CDC14A: variants seen among roughly 807,000 people sequenced by gnomAD.
CDC14A encodes cell division cycle 14A.
CDC14A carries 53 observed loss-of-function variants against 74.4 expected under a neutral mutation model. The ratio of observed to expected loss-of-function variants is 0.71; its 90% confidence interval spans 0.57 to 0.89. CDC14A has a LOEUF of 0.89. Among genes scored for constraint, CDC14A ranks in the 40% least tolerant of loss-of-function variants. The pLI is 0.00. For missense variants in CDC14A, 646 were observed against 713.7 expected (o/e 0.91, Z 1.08); for synonymous variants, 247 against 258.4 (o/e 0.96, Z 0.43).
chr1:100,396,055 T>G (rs1483958396), intron 4 of CDC14A, among the ~76,000 whole-genome samples: 1 of 152,272 alleles, frequency 6.6e-6, no homozygotes, highest in Admixed American at 6.5e-5. Context: ...TGTTTATGCA[T>G]TTACTTGCTT....
At chr1:100,448,744 T>G (rs1250071972) in intron 7 of CDC14A, among the ~76,000 whole-genome samples, 3 of 152,238 alleles carry the variant, frequency 2.0e-5, no homozygotes, top group Non-Finnish European at 4.4e-5. Context: ...TATGGCCTCA[T>G]TCTCATAGCT....
intron 2 of CDC14A, among the ~76,000 whole-genome samples, chr1:100,357,908 C>T (rs564576250): frequency 8.5e-5 from 13 of 152,260 alleles, no homozygotes; most frequent in African/African-American, 2.9e-4. Flanking sequence ...GAAAGGAGGA[C>T]AGCATTCCAT....
intron 3 of CDC14A, among the ~76,000 whole-genome samples, chr1:100,386,363 T>G (rs770542481): frequency 6.6e-6 from 1 of 152,220 alleles, no homozygotes; most frequent in Non-Finnish European, 1.5e-5. Context: ...TTTATTGGAA[T>G]TGACCAATTT....
At chr1:100,378,231 T>G (rs1020416821) in intron 3 of CDC14A, among the ~76,000 whole-genome samples, 1 of 152,192 alleles carries the variant, frequency 6.6e-6, no homozygotes, top group Non-Finnish European at 1.5e-5. Context: ...GATTTTGGCA[T>G]GTGGCTTTTT....
chr1:100,445,020 G>A (rs1313581058), intron 7 of CDC14A, among the ~76,000 whole-genome samples: 4 of 151,782 alleles, frequency 2.6e-5, no homozygotes, highest in Non-Finnish European at 5.9e-5. Flanking sequence ...AGAAACAAAG[G>A]GAATATGTAC....
intron 4 of CDC14A, among the ~76,000 whole-genome samples, chr1:100,408,384 G>A (rs984195717): frequency 2.0e-4 from 31 of 152,184 alleles, no homozygotes; most frequent in African/African-American, 7.0e-4. Context: ...ATGCACATGT[G>A]CATGTGTCTT....
At chr1:100,357,415 G>A (rs1022313513) in intron 2 of CDC14A, among the ~76,000 whole-genome samples, 1 of 152,164 alleles carries the variant, frequency 6.6e-6, no homozygotes, top group African/African-American at 2.4e-5. Context: ...CTTTGGGGAA[G>A]TATAGAATGA....
chr1:100,468,055 C>T lies in CDC14A; in HGVS notation c.938C>T (p.Pro313Leu), dbSNP rs534289736. ...ATTGCTTGGATTAGAATATGCCGGC[C>T]AGGCTCTATTATAGGACCCCAGCAG... ...EIIAWIRICR[P>L]GSIIGPQQHF... Residue 313 changes from proline (P) to leucine (L), a missense_variant, in exon 10 of 16, where the codon CCA (proline) becomes CTA (leucine). By Grantham distance (98) the Pro-to-Leu change is moderately conservative. Transcript: ENST00000336454. 2 of 1,613,380 alleles carry T rather than the reference C, an allele frequency of 1.2e-6. No homozygotes were observed. Among genetic ancestry groups the T allele is most frequent in the South Asian group, 2.2e-5 (2 of 90,936 alleles).
At chr1:100,479,342 G>A (rs1246314225) in intron 10 of CDC14A, among the ~76,000 whole-genome samples, 1 of 152,022 alleles carries the variant, frequency 6.6e-6, no homozygotes, top group African/African-American at 2.4e-5. Context: ...GAATTGTATA[G>A]CATGAACTCC....
intron 4 of CDC14A, among the ~76,000 whole-genome samples, chr1:100,420,367 A>G (rs549769418): frequency 7.2e-5 from 11 of 151,804 alleles, no homozygotes; most frequent in Non-Finnish European, 1.3e-4. Context: ...AGAAATTCAC[A>G]TATTATTTTG....
chr1:100,476,924 TCA>T (rs1485106414), intron 10 of CDC14A, among the ~76,000 whole-genome samples: 2 of 152,170 alleles, frequency 1.3e-5, no homozygotes, highest in African/African-American at 4.8e-5. Flanking sequence ...GCCCAATTAA[TCA>T]CAGTGTCCTT....
intron 3 of CDC14A, among the ~76,000 whole-genome samples, chr1:100,385,626 T>C (rs1338269066): frequency 6.6e-6 from 1 of 152,204 alleles, no homozygotes; most frequent in African/African-American, 2.4e-5. Flanking sequence ...TCCTGCTTAC[T>C]ACTCTTACTG....
chr1:100,391,272 T>C (rs1226277393), intron 4 of CDC14A, among the ~76,000 whole-genome samples: 1 of 152,182 alleles, frequency 6.6e-6, no homozygotes, highest in Admixed American at 6.5e-5. Context: ...ATCCATTCAT[T>C]AATTTATACA....
At position 100,439,114 on chromosome 1, in the gene CDC14A, C is replaced by G. The variant is rs574022133; in HGVS notation, c.390-818C>G. On this transcript the variant is annotated intron_variant, in intron 5 of 15. Transcript: ENST00000336454. ...TGCCTAAAGCAGGTCTGCTAAATTG[C>G]TCTAAAAACTTAAATAAAGTATGAA... Among the ~76,000 whole-genome samples the G allele has an allele frequency of 5.9e-5, 9 of 152,328 alleles. No individual in the cohort carries two copies. The South Asian group carries it at 8.3e-4, about 14-fold the overall frequency.
Position 100,455,406 on chromosome 1 carries a change from G to C in CDC14A, c.521G>C (p.Arg174Pro). The C allele has an allele frequency of 1.3e-6, 2 of 1,593,534 alleles. No homozygotes were observed. The highest frequency in any genetic ancestry group is 1.7e-6 in the Non-Finnish European group (2 of 1,169,350). The change falls in exon 8 of 16, where the codon CGA (arginine) becomes CCA (proline). Residue 174 changes from arginine to proline, a missense_variant and splice_region_variant. Physicochemically the swap from Arg to Pro is moderately radical, Grantham distance 103 (BLOSUM62 -2). Coordinates refer to ENST00000336454, the MANE Select transcript of CDC14A (RefSeq NM_003672.4). ...FDVDEYEHYERVENGDFNWIV... is the reference protein window; with the variant it reads ...FDVDEYEHYEPVENGDFNWIV... Reference sequence around the variant, plus strand: ...TCTTTTCTTACAAAATTCTGCCAGCGAGTTGAAAATGGTGACTTCAACTGG... The same window carrying C: ...TCTTTTCTTACAAAATTCTGCCAGCCAGTTGAAAATGGTGACTTCAACTGG...
intron 3 of CDC14A, among the ~76,000 whole-genome samples, chr1:100,387,830 G>A (rs115833024): frequency 1.3e-5 from 2 of 151,856 alleles, no homozygotes; most frequent in Admixed American, 6.6e-5. Context: ...GAGAAAAAAC[G>A]AAACCAAGTA....
chr1:100,368,704 G>A (rs547339765), intron 2 of CDC14A, among the ~76,000 whole-genome samples: 103 of 152,178 alleles, frequency 6.8e-4, no homozygotes, highest in Non-Finnish European at 1.1e-3. Flanking sequence ...AGTGAGCATA[G>A]TTCCCAATAG....
chr1:100,403,771 C>A (rs1240987032), intron 4 of CDC14A, among the ~76,000 whole-genome samples: 1 of 152,180 alleles, frequency 6.6e-6, no homozygotes, highest in Non-Finnish European at 1.5e-5. Context: ...TTTGGGAGAA[C>A]CTTGATTGAG....
At chr1:100,511,424 G>GCCTT (rs2101477251) in intron 15 of CDC14A, among the ~76,000 whole-genome samples, 2 of 152,294 alleles carry the variant, frequency 1.3e-5, no homozygotes, top group African/African-American at 4.8e-5. Flanking sequence ...GATCTGATGG[G>GCCTT]CTCCTGTTAG....
Sources: gnomAD v4.1 joint callset for allele counts (sites outside exome capture counted in the v4.1 genomes callset) on GRCh38, gnomAD v4.1.1 for gene constraint, MANE v1.5 for transcripts, NCBI Gene and HGNC (gene_info 2026-07-23, HGNC 2026-07-21) for gene names.